VWA8: variants seen among roughly 807,000 people sequenced by gnomAD.
VWA8 encodes the protein von Willebrand factor A domain containing 8.
In VWA8, 221 loss-of-function variants were observed where a neutral mutation model predicts 241.5. The ratio of observed to expected loss-of-function variants is 0.91; its 90% CI spans 0.82 to 1.02. The LOEUF is 1.02. VWA8 is among the 50% of genes least tolerant of loss of function. The probability of loss-of-function intolerance (pLI) is 0.00; values close to 1 mark genes in which losing one functional copy is unlikely to be tolerated. For synonymous variants in VWA8, 852 were observed against 827.1 expected (o/e 1.03, Z -0.52); for missense variants, 2,322 against 2,328.7 (o/e 1.00, Z 0.06).
At chr13:41,607,066 G>A (rs1223446943) in intron 39 of VWA8, among the ~76,000 whole-genome samples, 1 of 152,082 alleles carries the variant, frequency 6.6e-6, no homozygotes, top group African/African-American at 2.4e-5. Context: ...ATGTATATAG[G>A]ATAACTGAAC....
intron 12 of VWA8, among the ~76,000 whole-genome samples, chr13:41,843,441 A>C (rs1872145444): frequency 6.6e-6 from 1 of 152,198 alleles, no homozygotes; most frequent in Non-Finnish European, 1.5e-5. Flanking sequence ...GAGGAACTAG[A>C]AAAACAAGAA....
At chr13:41,705,789 G>C (rs1226529727) in intron 26 of VWA8, among the ~76,000 whole-genome samples, 2 of 152,164 alleles carry the variant, frequency 1.3e-5, no homozygotes, top group African/African-American at 4.8e-5. Flanking sequence ...AGAGAGTAGA[G>C]AGAAGTGTCA....
intron 12 of VWA8, among the ~76,000 whole-genome samples, chr13:41,834,139 A>G (rs892831421): frequency 6.6e-6 from 1 of 152,240 alleles, no homozygotes; most frequent in Non-Finnish European, 1.5e-5. Flanking sequence ...ATAGCACTTA[A>G]AAGCAATTTT....
chr13:41,787,690 AAATC>A (rs1869269063), intron 17 of VWA8, 147 bp from the exon 18 acceptor site: 3 of 579,030 alleles, frequency 5.2e-6, no homozygotes, highest in African/African-American at 3.8e-5. Flanking sequence ...TGTAAAATCT[AAATC>A]AAACAAAATT....
At chr13:41,721,698 C>T (rs2045393674) in intron 24 of VWA8, 123 bp from the exon 25 acceptor site, 2 of 979,034 alleles carry the variant, frequency 2.0e-6, no homozygotes, top group East Asian at 5.1e-5. Context: ...GCCCATCCAA[C>T]AATAGGATGG....
intron 36 of VWA8, among the ~76,000 whole-genome samples, chr13:41,674,165 T>C (rs1208368958): frequency 6.6e-6 from 1 of 152,210 alleles, no homozygotes; most frequent in Non-Finnish European, 1.5e-5. Context: ...TTTGTTTTCA[T>C]ATTTTTTTAA....
At chr13:41,666,381 T>C (rs1386796294) in intron 37 of VWA8, among the ~76,000 whole-genome samples, 1 of 152,152 alleles carries the variant, frequency 6.6e-6, no homozygotes. Flanking sequence ...TTTTCTCTCA[T>C]TGCTTCTGTC....
Position 41,646,444 on chromosome 13 carries a change from T to C in VWA8, c.4611+24502A>G, listed in dbSNP as rs1366188632. Among the ~76,000 whole-genome samples, 4 of 152,222 alleles carry C rather than the reference T, an allele frequency of 2.6e-5. No homozygotes were observed. In the East Asian group the frequency reaches 7.7e-4, roughly 29 times the overall value. On this transcript the variant is annotated intron_variant, in intron 37 of 44. Coordinates refer to ENST00000379310, the MANE Select transcript of VWA8 (RefSeq NM_015058.2). The stretch of plus-strand genomic sequence containing the variant: ...TTCTGATATTCATAATTCTCCATAT[T>C]AGGTATTATTTCTACTTTGCAGGAC...
intron 21 of VWA8, among the ~76,000 whole-genome samples, chr13:41,735,076 TATTA>T (rs1293160909): frequency 1.3e-5 from 2 of 152,234 alleles, no homozygotes; most frequent in African/African-American, 2.4e-5. Context: ...AACTTACTTA[TATTA>T]ATTGTTAATA....
chr13:41,819,997 C>T (rs1463659089), intron 14 of VWA8, among the ~76,000 whole-genome samples: 1 of 152,128 alleles, frequency 6.6e-6, no homozygotes, highest in African/African-American at 2.4e-5. Flanking sequence ...TTAAAGTGAT[C>T]TCTCTTAAAA....
intron 17 of VWA8, among the ~76,000 whole-genome samples, chr13:41,799,561 T>C (rs560212305): frequency 5.9e-5 from 9 of 152,248 alleles, no homozygotes; most frequent in South Asian, 2.1e-4. Context: ...CCAGACTCTA[T>C]TCTTCATGCA....
chr13:41,764,731 A>T (rs1301208815), intron 20 of VWA8, among the ~76,000 whole-genome samples: 1 of 152,100 alleles, frequency 6.6e-6, no homozygotes, highest in Non-Finnish European at 1.5e-5. Flanking sequence ...GCTAGAGAAA[A>T]GTGAGAAAGG....
chr13:41,611,592 T>G lies in VWA8; in HGVS notation c.4861A>C (p.Arg1621=). The G allele has an allele frequency of 6.2e-7, 1 of 1,614,030 alleles. No individual in the cohort carries two copies. Among genetic ancestry groups the G allele is most frequent in the Non-Finnish European group, 8.5e-7 (1 of 1,179,912 alleles). The part of the protein sequence containing the change: ...VKRAAREMGQ[R]AFQQRLKEIQ... ...AGCACTGACCTCTGCTGGAATGCTC[T>G]CTGGCCCATCTCTCTAGCAGCTCTC... Residue 1621 remains arginine, a synonymous_variant, in exon 39 of 45, where the codon AGA becomes CGA. Coordinates refer to ENST00000379310, the MANE Select transcript of VWA8 (RefSeq NM_015058.2).
At chr13:41,958,020 T>C (rs544286269) in intron 1 of VWA8, among the ~76,000 whole-genome samples, 40 of 152,220 alleles carry the variant, frequency 2.6e-4, no homozygotes, top group Non-Finnish European at 5.1e-4. Flanking sequence ...CTGCAGTAGA[T>C]ATCCTTGTTA....
intron 40 of VWA8, among the ~76,000 whole-genome samples, chr13:41,601,308 G>A (rs979861169): frequency 1.3e-5 from 2 of 152,028 alleles, no homozygotes; most frequent in South Asian, 2.1e-4. Flanking sequence ...TTAGTACAGG[G>A]ACACTATCTT....
At chr13:41,615,138 T>C (rs2044613155) in intron 37 of VWA8, 54 bp from the exon 38 acceptor site, 2 of 1,576,958 alleles carry the variant, frequency 1.3e-6, no homozygotes, top group Non-Finnish European at 1.7e-6. Flanking sequence ...CACCAGGGAC[T>C]GCATGACAGA....
At chr13:41,840,897 G>C (rs902882512) in intron 12 of VWA8, among the ~76,000 whole-genome samples, 11 of 152,084 alleles carry the variant, frequency 7.2e-5, no homozygotes, top group Admixed American at 3.3e-4. Context: ...ACATGTTAAA[G>C]AGTTAAAAAT....
At chr13:41,717,068 A>G (rs1460338941) in intron 26 of VWA8, among the ~76,000 whole-genome samples, 1 of 151,998 alleles carries the variant, frequency 6.6e-6, no homozygotes, top group African/African-American at 2.4e-5. Flanking sequence ...TTAAGATTAT[A>G]TTAAAATTCA....
intron 12 of VWA8, among the ~76,000 whole-genome samples, chr13:41,862,237 T>C (rs958957092): frequency 6.6e-5 from 10 of 152,202 alleles, no homozygotes; most frequent in Admixed American, 6.5e-4. Context: ...GATAACTGGC[T>C]AGCCATAGGC....
Sources: allele counts gnomAD v4.1 joint callset (sites outside exome capture counted in the v4.1 genomes callset), GRCh38; gene constraint gnomAD v4.1.1; transcripts MANE v1.5; gene names NCBI Gene and HGNC (gene_info 2026-07-23, HGNC 2026-07-21).